GRPEL1: variants seen among roughly 807,000 people sequenced by gnomAD.
The protein encoded by GRPEL1 is grpE protein homolog 1, mitochondrial.
Under a neutral mutation model 22.1 loss-of-function variants are expected in GRPEL1, and 13 were observed. That is an observed-to-expected ratio of 0.59 (90% CI 0.38 to 0.94). The LOEUF is 0.94. GRPEL1 is among the 40% of genes least tolerant of loss of function. The pLI is 0.00. For synonymous variants in GRPEL1, 109 were observed against 105.3 expected (o/e 1.03, Z -0.21); for missense variants, 289 against 264.6 (o/e 1.09, Z -0.64).
In GRPEL1 at chr4:7,061,062, G is replaced by C. The variant is rs750683719; in HGVS notation, c.454C>G (p.Gln152Glu). The change falls in exon 4 of 4, where the codon CAG (glutamine) becomes GAG (glutamate). Residue 152 changes from glutamine (Q) to glutamate (E), a missense_variant. By Grantham distance (29) the Gln-to-Glu change is conservative. Coordinates refer to ENST00000264954, the MANE Select transcript of GRPEL1 (RefSeq NM_025196.4). Reference sequence around the variant, plus strand: ...AAGCCATGCTTTGTGAACACCTTCTGGATCTGGACTTCAGTCATGACCAGC... The same window carrying C: ...AAGCCATGCTTTGTGAACACCTTCTCGATCTGGACTTCAGTCATGACCAGC... ...EGLVMTEVQI[Q>E]KVFTKHGLLK... The C allele has an allele frequency of 2.5e-6, 4 of 1,614,094 alleles. No homozygotes were observed. Among genetic ancestry groups the C allele is most frequent in the Non-Finnish European group, 8.5e-7 (1 of 1,180,054 alleles).
chr4:7,066,541 A>G (rs1326061924), intron 1 of GRPEL1, among the ~76,000 whole-genome samples: 1 of 152,188 alleles, frequency 6.6e-6, no homozygotes, highest in African/African-American at 2.4e-5. Context: ...GGGGGTGGAG[A>G]GCGATGACCA....
At chr4:7,064,369 C>T in intron 1 of GRPEL1, 146 bp from the exon 2 acceptor site, 4 of 724,340 alleles carry the variant, frequency 5.5e-6, no homozygotes, top group African/African-American at 1.8e-5. Context: ...AATAAAGGCA[C>T]ACTGTACGTG....
chr4:7,063,958 C>T, intron 2 of GRPEL1, 103 bp downstream of exon 2: 1 of 1,346,174 alleles, frequency 7.4e-7, no homozygotes. Flanking sequence ...AACGGCTTAA[C>T]TCTGGCTTTA....
chr4:7,058,964 T>C lies in GRPEL1; in HGVS notation c.*1898A>G, dbSNP rs1193990174. 6.6e-6 allele frequency: 1 copy of C among 152,254 alleles called. No homozygotes were observed. Among genetic ancestry groups the C allele is most frequent in the African/African-American group, 2.4e-5 (1 of 41,468 alleles). The allele number at this position is 152,254 out of a possible 1,614,324, so 9.4% of individuals were successfully genotyped here. A position where few individuals can be genotyped will look rare whatever the true frequency, so the allele number is the denominator to read the frequency against. Reference sequence around the variant, plus strand: ...TACACAGATACCATTGTGTTAACAGTTGCCTACAGTATCAGTACAGTAACG... The same window carrying C: ...TACACAGATACCATTGTGTTAACAGCTGCCTACAGTATCAGTACAGTAACG... On this transcript the variant is annotated 3_prime_UTR_variant, in exon 4 of 4. Transcript: ENST00000264954.
intron 2 of GRPEL1, among the ~76,000 whole-genome samples, chr4:7,062,746 T>C (rs1241611933): frequency 1.3e-5 from 2 of 152,062 alleles, no homozygotes; most frequent in Admixed American, 1.3e-4. Flanking sequence ...TCTCCTGACC[T>C]TGTGATCCGA....
rs1274368419 is a variant in GRPEL1 at position 7,059,176 on chromosome 4, A to C, written c.*1686T>G. ...CTTGACTATATTCCAAAATCCGAAAACCCCCCAAGTTTGAAACAATTCTGG... is the reference window on the plus strand; with the variant it reads ...CTTGACTATATTCCAAAATCCGAAACCCCCCCAAGTTTGAAACAATTCTGG... On this transcript the variant is annotated 3_prime_UTR_variant, in exon 4 of 4. Coordinates refer to ENST00000264954, the MANE Select transcript of GRPEL1 (RefSeq NM_025196.4). 3 of 151,932 alleles carry C rather than the reference A, an allele frequency of 2.0e-5. No homozygotes were observed. Among genetic ancestry groups the C allele is most frequent in the Non-Finnish European group, 4.4e-5 (3 of 68,010 alleles). 9.4% of individuals were successfully genotyped at this position (151,932 alleles called of 1,614,324 possible).
intron 1 of GRPEL1, among the ~76,000 whole-genome samples, chr4:7,067,231 T>C (rs898117704): frequency 1.3e-5 from 2 of 149,864 alleles, no homozygotes; most frequent in Non-Finnish European, 3.0e-5. Flanking sequence ...AGTAGAACTT[T>C]CAAAAAGCAG....
rs552786000 is a variant in GRPEL1, at chr4:7,067,876, G to A, written c.62+95C>T. Reference sequence around the variant, plus strand: ...CCCGGAGATGCCCAGCTCCGGGGCCGAGGCCGGGAAGGAGGCCCCGGGGCC... The same window carrying A: ...CCCGGAGATGCCCAGCTCCGGGGCCAAGGCCGGGAAGGAGGCCCCGGGGCC... On this transcript the variant is annotated intron_variant, in intron 1 of 3. Transcript: ENST00000264954. The A allele has an allele frequency of 7.8e-5, 104 of 1,331,398 alleles. 3 individuals are homozygous for A. The South Asian group carries it at 1.2e-3, about 15-fold the overall frequency. The allele number at this position is 1,331,398 out of a possible 1,614,324, so 82.5% of individuals were successfully genotyped here.
intron 1 of GRPEL1, among the ~76,000 whole-genome samples, chr4:7,066,203 G>A (rs1287341291): frequency 6.6e-6 from 1 of 152,188 alleles, no homozygotes; most frequent in Non-Finnish European, 1.5e-5. Context: ...CAACGAATAG[G>A]AAGGTGAAGG....
intron 2 of GRPEL1, among the ~76,000 whole-genome samples, chr4:7,063,853 T>C (rs949901970): frequency 2.0e-5 from 3 of 152,238 alleles, no homozygotes; most frequent in Non-Finnish European, 4.4e-5. Context: ...CGTGTAAAGA[T>C]TAGTCTCTTG....
chr4:7,062,438 G>A lies in GRPEL1; in HGVS notation c.254C>T (p.Thr85Ile), dbSNP rs904506750. The A allele has an allele frequency of 6.9e-6, 11 of 1,590,480 alleles. No homozygotes were observed. Among genetic ancestry groups the A allele is most frequent in the Non-Finnish European group, 9.4e-6 (11 of 1,164,548 alleles). ...CTGGCTCCTCTGCCGTAAGTTCTCA[G>A]TGTCTGCCAAAGCTCGTTTATATTT... ...VEKYKRALAD[T>I]ENLRQRSQKL... The change falls in exon 3 of 4, where the codon ACT (threonine) becomes ATT (isoleucine). Residue 85 changes from threonine (T) to isoleucine (I), a missense_variant. Transcript: ENST00000264954.
chr4:7,062,134 G>T (rs1039364117), intron 3 of GRPEL1: 1 of 261,772 alleles, frequency 3.8e-6, no homozygotes, highest in Non-Finnish European at 7.2e-6. Flanking sequence ...CCTGCTGCAG[G>T]TTCCCACCAA....
At chr4:7,066,413 G>GA (rs933194081) in intron 1 of GRPEL1, among the ~76,000 whole-genome samples, 3 of 152,206 alleles carry the variant, frequency 2.0e-5, no homozygotes, top group African/African-American at 7.2e-5. Context: ...AACTTACAGA[G>GA]AAATACACAA....
chr4:7,067,869 C>A, intron 1 of GRPEL1, 102 bp downstream of exon 1: 1 of 1,269,464 alleles, frequency 7.9e-7, no homozygotes, highest in Non-Finnish European at 1.1e-6. Context: ...TGCCCAGCTC[C>A]GGGGCCGAGG....
rs1311259086 is a variant in GRPEL1, at chr4:7,059,788, C to T, written c.*1074G>A. ...GATGACCGTGTAAATGAGGAACAGC[C>T]CTTTGGCAAGATGATTTTGCAAATC... is the stretch of plus-strand genomic sequence containing the variant. On this transcript the variant is annotated 3_prime_UTR_variant, in exon 4 of 4. Transcript: ENST00000264954. The T allele has an allele frequency of 6.6e-6, 1 of 152,218 alleles. No homozygotes were observed. The highest frequency in any genetic ancestry group is 2.4e-5 in the African/African-American group (1 of 41,456). The allele number at this position is 152,218 out of a possible 1,614,324, so 9.4% of individuals were successfully genotyped here.
chr4:7,065,788 C>T (rs1160562194), intron 1 of GRPEL1, among the ~76,000 whole-genome samples: 2 of 151,288 alleles, frequency 1.3e-5, no homozygotes, highest in Non-Finnish European at 2.9e-5. Context: ...GCCCAGGTCA[C>T]AAAGCCATCA....
intron 1 of GRPEL1, among the ~76,000 whole-genome samples, chr4:7,064,564 GCT>G (rs1724123154): frequency 6.6e-6 from 1 of 151,542 alleles, no homozygotes. Context: ...AGAGAGTCTT[GCT>G]CTGTCACCCA....
intron 1 of GRPEL1, among the ~76,000 whole-genome samples, chr4:7,065,800 C>T (rs934028561): frequency 6.6e-5 from 10 of 151,140 alleles, no homozygotes; most frequent in Non-Finnish European, 1.0e-4. Flanking sequence ...AAGCCATCAA[C>T]GAATGATAAA....
chr4:7,066,198 A>C (rs1031191740), intron 1 of GRPEL1, among the ~76,000 whole-genome samples: 11 of 152,196 alleles, frequency 7.2e-5, no homozygotes, highest in Non-Finnish European at 1.6e-4. Flanking sequence ...TGCTTCAACG[A>C]ATAGGAAGGT....
Sources: gnomAD v4.1 joint callset for allele counts (sites outside exome capture counted in the v4.1 genomes callset) on GRCh38, gnomAD v4.1.1 for gene constraint, MANE v1.5 for transcripts, NCBI Gene and HGNC (gene_info 2026-07-23, HGNC 2026-07-21) for gene names.